Variants in INTU observed in about 807,000 individuals in gnomAD.
The protein encoded by INTU is protein inturned.
INTU carries 68 observed loss-of-function variants against 100.5 expected under a neutral mutation model. The observed-to-expected ratio is 0.68, with a 90% CI of 0.56 to 0.83. The LOEUF (loss-of-function observed/expected upper bound fraction) is 0.83. Ranked by LOEUF, INTU falls within the 40% of genes least tolerant of loss-of-function variation. The pLI, the probability that INTU is intolerant of heterozygous loss-of-function variation, is 0.00. For missense variants in INTU, 1,071 were observed against 1,114.7 expected (o/e 0.96, Z 0.56); for synonymous variants, 357 against 395.7 (o/e 0.90, Z 1.16).
intron 2 of INTU, among the ~76,000 whole-genome samples, chr4:127,655,514 T>A (rs1478919868): frequency 6.6e-6 from 1 of 151,328 alleles, no homozygotes; most frequent in Non-Finnish European, 1.5e-5. Context: ...TGCTGGGGGG[T>A]GCCTCCCAGT....
chr4:127,678,322 A>G (rs1455502216), intron 6 of INTU, among the ~76,000 whole-genome samples: 1 of 152,210 alleles, frequency 6.6e-6, no homozygotes, highest in African/African-American at 2.4e-5. Context: ...AGTTGAAATG[A>G]AGGAAAAAAT....
At position 127,663,333 on chromosome 4, in the gene INTU, C is replaced by G. The variant is rs370476930; in HGVS notation, c.769-48C>G. On this transcript the variant is annotated intron_variant, in intron 3 of 15. Transcript: ENST00000335251. ...AGATCCTTCATTGTGAAAACTGCAG[C>G]TGATTTTCCCTTGTCGAAAAGTCAA... 31 of 1,401,122 alleles carry G rather than the reference C, an allele frequency of 2.2e-5. No homozygotes were observed. The African/African-American group carries it at 3.7e-4, about 17-fold the overall frequency. 86.8% of individuals were successfully genotyped at this position (1,401,122 alleles called of 1,614,324 possible).
Position 127,716,581 on chromosome 4 carries a change from G to A in INTU, c.*145G>A. On this transcript the variant is annotated 3_prime_UTR_variant, in exon 16 of 16. Coordinates refer to ENST00000335251, the MANE Select transcript of INTU (RefSeq NM_015693.4). ...ATATTGTTAAATATTGAGATGAAAT[G>A]CTGTTGGATTTGATACATTAAATCT... is the stretch of plus-strand genomic sequence containing the variant. 2.6e-6 allele frequency: 1 copy of A among 389,142 alleles called. No homozygotes were observed. The highest frequency in any genetic ancestry group is 4.6e-6 in the Non-Finnish European group (1 of 218,514). 24.1% of individuals were successfully genotyped at this position (389,142 alleles called of 1,614,324 possible).
intron 2 of INTU, among the ~76,000 whole-genome samples, chr4:127,650,583 G>C (rs1014534723): frequency 9.9e-5 from 15 of 151,888 alleles, no homozygotes; most frequent in African/African-American, 3.6e-4. Context: ...GTATTCCATG[G>C]TGTATATGTG....
intron 9 of INTU, among the ~76,000 whole-genome samples, chr4:127,701,138 A>T (rs1208534508): frequency 2.6e-5 from 4 of 152,180 alleles, no homozygotes; most frequent in Admixed American, 6.6e-5. Context: ...TGAAGCCTCA[A>T]GATTGAACTA....
rs1353857968 is a variant in INTU, at chr4:127,719,374, T to G, written c.*2938T>G. The G allele has an allele frequency of 6.6e-6, 1 of 152,214 alleles. No homozygotes were observed. Among genetic ancestry groups the G allele is most frequent in the Admixed American group, 6.5e-5 (1 of 15,280 alleles). 9.4% of individuals were successfully genotyped at this position (152,214 alleles called of 1,614,324 possible). ...ATAAGCTTTTTGATGTGCTGCTGGA[T>G]TCAGTTTGCCAGTGTTTTATTGAGA... On this transcript the variant is annotated 3_prime_UTR_variant, in exon 16 of 16. Transcript: ENST00000335251.
intron 12 of INTU, among the ~76,000 whole-genome samples, chr4:127,708,151 G>T (rs921520421): frequency 6.6e-6 from 1 of 152,194 alleles, no homozygotes; most frequent in Non-Finnish European, 1.5e-5. Flanking sequence ...GCCATGAATA[G>T]CTCCTAAGAG....
chr4:127,712,358 C>T (rs1315002330), intron 14 of INTU, among the ~76,000 whole-genome samples: 4 of 152,154 alleles, frequency 2.6e-5, no homozygotes, highest in African/African-American at 4.8e-5. Flanking sequence ...TTCTTATGCT[C>T]CTATTTCCCT....
At chr4:127,677,936 G>A (rs10014097) in intron 6 of INTU, among the ~76,000 whole-genome samples, 5,723 of 152,262 alleles carry the variant, frequency 0.038, 369 homozygotes, top group African/African-American at 0.13. Context: ...GCCAAGGCTC[G>A]AGAACTACGT....
rs1315080209 is a variant in INTU, at chr4:127,718,088, T to C, written c.*1652T>C. The stretch of plus-strand genomic sequence containing the variant: ...TGCTCATGTCTTAAATGGTATTGCC[T>C]AGATTTTCTTCTAGGGATTTTATAG... On this transcript the variant is annotated 3_prime_UTR_variant, in exon 16 of 16. Coordinates refer to ENST00000335251, the MANE Select transcript of INTU (RefSeq NM_015693.4). 6.6e-6 allele frequency: 1 copy of C among 152,244 alleles called. No individual in the cohort carries two copies. Among genetic ancestry groups the C allele is most frequent in the Non-Finnish European group, 1.5e-5 (1 of 68,042 alleles). 9.4% of individuals were successfully genotyped at this position (152,244 alleles called of 1,614,324 possible).
At chr4:127,702,417 C>T (rs542476409) in intron 9 of INTU, among the ~76,000 whole-genome samples, 5 of 152,096 alleles carry the variant, frequency 3.3e-5, no homozygotes, top group African/African-American at 1.2e-4. Context: ...TTGTAATAGC[C>T]AAAAAGTGGA....
intron 3 of INTU, among the ~76,000 whole-genome samples, chr4:127,659,147 G>C (rs970081605): frequency 6.6e-6 from 1 of 152,100 alleles, no homozygotes; most frequent in Admixed American, 6.6e-5. Flanking sequence ...ATGAAGCTTC[G>C]CTCACTGGCC....
At position 127,656,650 on chromosome 4, in the gene INTU, G is replaced by T. The variant is rs762715545; in HGVS notation, c.697G>T (p.Ala233Ser). 4 of 1,609,380 alleles carry T rather than the reference G, an allele frequency of 2.5e-6. No individual in the cohort carries two copies. The highest frequency in any genetic ancestry group is 3.4e-6 in the Non-Finnish European group (4 of 1,176,402). Residue 233 changes from alanine (A) to serine (S), a missense_variant, in exon 3 of 16, where the codon GCT becomes TCT. Ala to Ser is a moderately conservative substitution (Grantham distance 99). Coordinates refer to ENST00000335251, the MANE Select transcript of INTU (RefSeq NM_015693.4). ...TCTGGTTTCAGGTGATGTCCTTGTTGCTGTGAATGATGTCGATGTTACTAC... is the reference window on the plus strand; with the variant it reads ...TCTGGTTTCAGGTGATGTCCTTGTTTCTGTGAATGATGTCGATGTTACTAC... Reference protein sequence around the residue: ...GQVLIGDVLVAVNDVDVTTEN... With the variant: ...GQVLIGDVLVSVNDVDVTTEN...
At chr4:127,680,478 A>G (rs1362793624) in intron 6 of INTU, among the ~76,000 whole-genome samples, 2 of 124,994 alleles carry the variant, frequency 1.6e-5, no homozygotes, top group African/African-American at 3.0e-5. Context: ...GTAATCCAGC[A>G]TATAAACAGA....
intron 14 of INTU, among the ~76,000 whole-genome samples, chr4:127,713,482 T>G (rs1025961464): frequency 3.3e-4 from 50 of 152,192 alleles, no homozygotes; most frequent in Non-Finnish European, 6.5e-4. Context: ...AAATACTGTT[T>G]TAAATATATA....
chr4:127,669,223 A>G (rs1048064422), intron 5 of INTU, 69 bp downstream of exon 5: 4 of 711,244 alleles, frequency 5.6e-6, no homozygotes, highest in Non-Finnish European at 9.8e-6. Context: ...ACAAAATGCT[A>G]AAACAAGTAT....
At position 127,633,103 on chromosome 4, in the gene INTU, A is replaced by C; in HGVS notation, c.69A>C (p.Gln23His). ...SDELPGDPSS[Q>H]EEDEDYDFED... is the part of the protein sequence containing the mutation. ...AGCTCCCTGGAGACCCCTCTTCACA[A>C]GAAGAAGATGAGGACTATGATTTTG... The change falls in exon 1 of 16, where the codon CAA becomes CAC. Residue 23 changes from glutamine to histidine, a missense_variant. Gln to His is a conservative substitution (Grantham distance 24, BLOSUM62 0). Coordinates refer to ENST00000335251, the MANE Select transcript of INTU (RefSeq NM_015693.4). The C allele has an allele frequency of 6.2e-7, 1 of 1,613,962 alleles. No individual in the cohort carries two copies.
In INTU at chr4:127,643,622, C is replaced by A; in HGVS notation, c.248C>A (p.Pro83Gln). ...DEEESLLPET[P>Q]TVNHVRFSEN... Reference sequence around the variant, plus strand: ...GAAGAAAGCCTCCTTCCTGAGACACCAACTGTGAACCATGTCAGGTTCAGT... The same window carrying A: ...GAAGAAAGCCTCCTTCCTGAGACACAAACTGTGAACCATGTCAGGTTCAGT... Residue 83 changes from proline (P) to glutamine (Q), a missense_variant, in exon 2 of 16, where the codon CCA (proline) becomes CAA (glutamine). Pro to Gln is a moderately conservative substitution (Grantham distance 76). Coordinates refer to ENST00000335251, the MANE Select transcript of INTU (RefSeq NM_015693.4). 1 of 1,613,374 alleles carries A rather than the reference C, an allele frequency of 6.2e-7. No individual in the cohort carries two copies. Among genetic ancestry groups the A allele is most frequent in the Admixed American group, 1.7e-5 (1 of 59,870 alleles).
At chr4:127,635,733 G>GTA (rs1437348287) in intron 1 of INTU, among the ~76,000 whole-genome samples, 1 of 152,158 alleles carries the variant, frequency 6.6e-6, no homozygotes, top group African/African-American at 2.4e-5. Flanking sequence ...GTTTTAACAT[G>GTA]TATACGTCTG....
Sources: gnomAD v4.1 joint callset for allele counts (sites outside exome capture counted in the v4.1 genomes callset) on GRCh38, gnomAD v4.1.1 for gene constraint, MANE v1.5 for transcripts, NCBI Gene and HGNC (gene_info 2026-07-23, HGNC 2026-07-21) for gene names.